Variants in ZNF461 observed in about 807,000 individuals in gnomAD.
ZNF461 encodes the protein zinc finger protein 461, also known as gonadotropin-inducible ovarian transcription factor-1.
ZNF461 carries 16 observed loss-of-function variants against 18.3 expected under a neutral mutation model. That is an observed-to-expected ratio of 0.88 (90% CI 0.59 to 1.33). The LOEUF is 1.33. Ranked by LOEUF, ZNF461 falls within the 40% of genes most tolerant of loss-of-function variation. The pLI is 0.00. For missense variants in ZNF461, 595 were observed against 669.9 expected (o/e 0.89, Z 1.23); for synonymous variants, 179 against 216.9 (o/e 0.83, Z 1.54).
Position 36,644,936 on chromosome 19 carries a change from T to G in ZNF461, c.233-1074A>C, listed in dbSNP as rs116816108. ...AGACTACTTTTATTATTAAAAAATC[T>G]GGCCTGGAGTGGTGGCTCACATCTG... On this transcript the variant is annotated intron_variant, in intron 4 of 5. Coordinates refer to ENST00000588268, the MANE Select transcript of ZNF461 (RefSeq NM_153257.5). Among the ~76,000 whole-genome samples, 491 of 151,924 alleles carry G rather than the reference T, an allele frequency of 3.2e-3. 5 individuals are homozygous for G. The highest frequency in any genetic ancestry group is 0.011 in the African/African-American group (452 of 41,492).
chr19:36,643,793 C>G lies in ZNF461; in HGVS notation c.301+1G>C, dbSNP rs748237859. ...CTCTTAAAAACTGTATTTATTTATA[C>G]CTGCATTTATGTCTGTAGCCTCATT... On this transcript the variant is annotated splice_donor_variant, in intron 5 of 5. Transcript: ENST00000588268. LOFTEE classifies it high-confidence loss of function. 3.9e-6 allele frequency: 6 copies of G among 1,529,030 alleles called. 1 individual carries two copies. In the South Asian group the frequency reaches 7.6e-5, roughly 19 times the overall value. The allele number at this position is 1,529,030 out of a possible 1,614,324, so 94.7% of individuals were successfully genotyped here.
chr19:36,652,652 C>T (rs1357326621), intron 4 of ZNF461, among the ~76,000 whole-genome samples: 1 of 151,954 alleles, frequency 6.6e-6, no homozygotes, highest in Non-Finnish European at 1.5e-5. Flanking sequence ...AGAAGATAAA[C>T]TAGACCTCAT....
At chr19:36,666,020 G>A (rs1389917314) in intron 1 of ZNF461, among the ~76,000 whole-genome samples, 1 of 152,012 alleles carries the variant, frequency 6.6e-6, no homozygotes, top group African/African-American at 2.4e-5. Context: ...GTGTGTGAGA[G>A]ACCAGAGTTG....
At chr19:36,665,998 G>A (rs571446087) in intron 1 of ZNF461, among the ~76,000 whole-genome samples, 1 of 152,040 alleles carries the variant, frequency 6.6e-6, no homozygotes, top group South Asian at 2.1e-4. Context: ...TGAGGTGAAT[G>A]TGCGTGTGTC....
chr19:36,638,820 G>T lies in ZNF461; in HGVS notation c.1525C>A (p.His509Asn). 6.2e-7 allele frequency: 1 copy of T among 1,614,122 alleles called. No homozygotes were observed. The highest frequency in any genetic ancestry group is 8.5e-7 in the Non-Finnish European group (1 of 1,180,012). ...CKECGKAFSY[H>N]SSFSHHQRIH... ...CTCTGATGGTGTGAGAAGCTTGAAT[G>T]ATAGCTAAAGGCCTTCCCACATTCC... Residue 509 changes from histidine to asparagine, a missense_variant, in exon 6 of 6, where the codon CAT becomes AAT. Coordinates refer to ENST00000588268, the MANE Select transcript of ZNF461 (RefSeq NM_153257.5).
At chr19:36,658,006 G>A in intron 3 of ZNF461, 1 of 312,682 alleles carries the variant, frequency 3.2e-6, no homozygotes. Flanking sequence ...GACAGAGTCT[G>A]CTTTCTTTGA....
intron 2 of ZNF461, among the ~76,000 whole-genome samples, chr19:36,661,280 T>TAAA (rs74313312): frequency 2.1e-5 from 3 of 145,618 alleles, no homozygotes; most frequent in African/African-American, 7.6e-5. Context: ...CCAGTCTCTT[T>TAAA]AAAAAAAAAA....
intron 2 of ZNF461, among the ~76,000 whole-genome samples, chr19:36,660,701 T>TAAAA (rs199775225): frequency 6.8e-6 from 1 of 147,490 alleles, no homozygotes; most frequent in Admixed American, 6.8e-5. Context: ...TTGATTTTTT[T>TAAAA]AAAAAAAAAA....
chr19:36,664,543 G>A (rs904040666), intron 2 of ZNF461, among the ~76,000 whole-genome samples, 155 bp downstream of exon 2: 2 of 150,414 alleles, frequency 1.3e-5, no homozygotes, highest in Non-Finnish European at 3.0e-5. Flanking sequence ...AGCCAAGTTC[G>A]CACCACTGCA....
intron 2 of ZNF461, among the ~76,000 whole-genome samples, chr19:36,659,477 T>C (rs984033936): frequency 3.3e-5 from 5 of 152,206 alleles, no homozygotes; most frequent in Admixed American, 6.5e-5. Flanking sequence ...CTCACTATAT[T>C]TCCTTGGCTG....
intron 4 of ZNF461, among the ~76,000 whole-genome samples, chr19:36,651,278 C>T (rs1197089337): frequency 6.9e-6 from 1 of 144,156 alleles, no homozygotes; most frequent in Non-Finnish European, 1.5e-5. Context: ...TAACATCATA[C>T]ATAATGTTAA....
In ZNF461 at chr19:36,639,058, G is replaced by A. The variant is rs758744142; in HGVS notation, c.1287C>T (p.Thr429=). Residue 429 remains threonine (T), a synonymous_variant, in exon 6 of 6, where the codon ACC becomes ACT. Coordinates refer to ENST00000588268, the MANE Select transcript of ZNF461 (RefSeq NM_153257.5). ...GKAFCDGLQL[T]LHQRIHTGEK... The stretch of plus-strand genomic sequence containing the variant: ...CACCAGTATGAATCCTCTGATGTAG[G>A]GTTAGTTGTAAGCCATCACAAAAAG... 8 of 1,611,414 alleles carry A rather than the reference G, an allele frequency of 5.0e-6. No homozygotes were observed. The highest frequency in any genetic ancestry group is 6.8e-6 in the Non-Finnish European group (8 of 1,179,420).
At chr19:36,653,869 GA>G (rs1178049811) in intron 4 of ZNF461, among the ~76,000 whole-genome samples, 14 of 152,178 alleles carry the variant, frequency 9.2e-5, no homozygotes, top group Admixed American at 5.9e-4. Context: ...GGAGTCTTGT[GA>G]GGTATTGTTG....
chr19:36,644,371 C>A (rs1408021075), intron 4 of ZNF461, among the ~76,000 whole-genome samples: 2 of 152,034 alleles, frequency 1.3e-5, no homozygotes, highest in Non-Finnish European at 2.9e-5. Flanking sequence ...CAGGTTCAAG[C>A]GATTCTCCTG....
intron 2 of ZNF461, among the ~76,000 whole-genome samples, chr19:36,660,519 T>C (rs2037800210): frequency 6.6e-6 from 1 of 152,094 alleles, no homozygotes; most frequent in African/African-American, 2.4e-5. Flanking sequence ...GTTGCAGTGA[T>C]GTGTTCACAT....
Position 36,638,647 on chromosome 19 carries a change from C to T in ZNF461, c.*6G>A. ...CAAAGACAATGTATATTTCCATCAA[C>T]AAATTTCATGATGCTAGACTAGGAT... On this transcript the variant is annotated 3_prime_UTR_variant, in exon 6 of 6. Coordinates refer to ENST00000588268, the MANE Select transcript of ZNF461 (RefSeq NM_153257.5). The T allele has an allele frequency of 6.3e-7, 1 of 1,576,970 alleles. No individual in the cohort carries two copies. Among genetic ancestry groups the T allele is most frequent in the South Asian group, 1.2e-5 (1 of 86,882 alleles).
At chr19:36,650,903 A>G (rs1360449825) in intron 4 of ZNF461, among the ~76,000 whole-genome samples, 1 of 149,868 alleles carries the variant, frequency 6.7e-6, no homozygotes, top group African/African-American at 2.4e-5. Context: ...AGAGAGGGGA[A>G]CTCCCTCAAC....
intron 3 of ZNF461, 66 bp downstream of exon 3, chr19:36,658,230 CAAG>C (rs2145408781): frequency 6.7e-7 from 1 of 1,493,414 alleles, no homozygotes; most frequent in East Asian, 2.4e-5. Flanking sequence ...GCAGAAATTC[CAAG>C]AAGTAGATTG....
At chr19:36,658,710 TAAATA>T in intron 2 of ZNF461, 1 of 297,028 alleles carries the variant, frequency 3.4e-6, no homozygotes, top group East Asian at 5.9e-5. Context: ...CCAATTAAAT[TAAATA>T]GTCAAAAACT....
Sources: allele counts gnomAD v4.1 joint callset (sites outside exome capture counted in the v4.1 genomes callset), GRCh38; gene constraint gnomAD v4.1.1; transcripts MANE v1.5; gene names NCBI Gene and HGNC (gene_info 2026-07-23, HGNC 2026-07-21).